Variants in TRIM23 observed in about 807,000 individuals in gnomAD.
TRIM23 encodes tripartite motif containing 23, also known as E3 ubiquitin-protein ligase TRIM23.
A neutral mutation model predicts 71.0 loss-of-function variants in TRIM23; 27 were observed. The observed-to-expected ratio is 0.38, with a 90% CI of 0.28 to 0.52. The LOEUF is 0.52. TRIM23 is among the 20% of genes least tolerant of loss of function. TRIM23 has a pLI of 0.84. For synonymous variants in TRIM23, 234 were observed against 238.0 expected (o/e 0.98, Z 0.16); for missense variants, 482 against 692.3 (o/e 0.70, Z 3.41).
In TRIM23 at chr5:65,618,097, G is replaced by T; in HGVS notation, c.240C>A (p.Asp80Glu). 2 of 1,601,836 alleles carry T rather than the reference G, an allele frequency of 1.2e-6. No homozygotes were observed. Among genetic ancestry groups the T allele is most frequent in the South Asian group, 2.2e-5 (2 of 89,282 alleles). ...IRCPFDRQVTDLGDSGVWGLK... is the reference protein window; with the variant it reads ...IRCPFDRQVTELGDSGVWGLK... The stretch of plus-strand genomic sequence containing the variant: ...CCATACAAATACTTTTCCTACCTAG[G>T]TCTGTTACTTGTCGATCAAATGGGC... The change falls in exon 2 of 11, where the codon GAC becomes GAA. Residue 80 changes from aspartate (D) to glutamate (E), a missense_variant. Around this residue, in one of 2 missense-constraint regions of TRIM23, gnomAD observed 175 missense variants for 196.5 expected, o/e 0.89. Transcript: ENST00000231524.
intron 1 of TRIM23, among the ~76,000 whole-genome samples, chr5:65,623,079 G>C (rs1241303067): frequency 6.6e-6 from 1 of 152,138 alleles, no homozygotes; most frequent in African/African-American, 2.4e-5. Context: ...AAGGTCATCT[G>C]AATCAACAAC....
rs985535002 is a variant in TRIM23 at position 65,591,317 on chromosome 5, T to C, written c.*452A>G. The C allele has an allele frequency of 5.6e-5, 80 of 1,416,006 alleles. No homozygotes were observed. The highest frequency in any genetic ancestry group is 7.3e-5 in the Non-Finnish European group (79 of 1,085,684). The allele number at this position is 1,416,006 out of a possible 1,614,324, so 87.7% of individuals were successfully genotyped here. A position where few individuals can be genotyped will look rare whatever the true frequency, so the allele number is the denominator to read the frequency against. On this transcript the variant is annotated 3_prime_UTR_variant, in exon 11 of 11. Transcript: ENST00000231524. ...ATTAAGCAACTGTCATTTCTACTAC[T>C]AAATGCTGCCAACATTCAGTGAAAA...
At chr5:65,605,446 T>C (rs1244371290) in intron 6 of TRIM23, among the ~76,000 whole-genome samples, 1 of 152,184 alleles carries the variant, frequency 6.6e-6, no homozygotes, top group Non-Finnish European at 1.5e-5. Context: ...GAAAGGCAGG[T>C]AGTGGCCAGA....
At position 65,605,747 on chromosome 5, in the gene TRIM23, G is replaced by A. The variant is rs550260073; in HGVS notation, c.1045-702C>T. On this transcript the variant is annotated intron_variant, in intron 6 of 10. Coordinates refer to ENST00000231524, the MANE Select transcript of TRIM23 (RefSeq NM_001656.4). The stretch of plus-strand genomic sequence containing the variant: ...ATACCAACATAGTCTTTATATGAAA[G>A]AGATCTCCCAATAATATGCAAGCTC... Among the ~76,000 whole-genome samples the A allele has an allele frequency of 1.8e-4, 27 of 152,156 alleles. 1 individual carries two copies. In the South Asian group the frequency reaches 5.4e-3, roughly 30 times the overall value.
chr5:65,611,931 A>G (rs2150636350), intron 3 of TRIM23, 50 bp from the exon 4 acceptor site: 1 of 1,531,546 alleles, frequency 6.5e-7, no homozygotes, highest in African/African-American at 1.4e-5. Flanking sequence ...TCAGTATAAC[A>G]TGACGAATTT....
At position 65,611,046 on chromosome 5, in the gene TRIM23, A is replaced by G. The variant is rs959470297; in HGVS notation, c.646-3T>C. The G allele has an allele frequency of 1.2e-6, 2 of 1,604,416 alleles. No homozygotes were observed. The highest frequency in any genetic ancestry group is 2.7e-5 in the African/African-American group (2 of 74,464). On this transcript the variant is annotated splice_polypyrimidine_tract_variant and splice_region_variant and intron_variant, in intron 4 of 10. Coordinates refer to ENST00000231524, the MANE Select transcript of TRIM23 (RefSeq NM_001656.4). ...GCTTCTGGTTCCAATACTGAATGCT[A>G]TAAAATGTACCATAATTAGAGAAAA...
At chr5:65,596,332 C>T (rs1203605271) in intron 9 of TRIM23, 89 bp downstream of exon 9, 22 of 896,512 alleles carry the variant, frequency 2.5e-5, no homozygotes, top group Non-Finnish European at 3.8e-5. Flanking sequence ...ACGACTTAAT[C>T]ATAAGTATCA....
intron 2 of TRIM23, 45 bp downstream of exon 2, chr5:65,618,048 C>T (rs754279074): frequency 1.3e-6 from 2 of 1,516,606 alleles, no homozygotes; most frequent in Admixed American, 2.1e-5. Context: ...ATTTGCATTA[C>T]ATGAACAATT....
intron 7 of TRIM23, among the ~76,000 whole-genome samples, chr5:65,602,223 C>CTTTG (rs1754381598): frequency 6.6e-6 from 1 of 152,304 alleles, no homozygotes; most frequent in Admixed American, 6.5e-5. Context: ...CTCTTGAATG[C>CTTTG]TTTGCTGCTT....
At chr5:65,592,710 A>T in intron 10 of TRIM23, among the ~76,000 whole-genome samples, 1 of 152,146 alleles carries the variant, frequency 6.6e-6, no homozygotes, top group Non-Finnish European at 1.5e-5. Flanking sequence ...TTCCATGCAC[A>T]CTCATGCAAA....
intron 7 of TRIM23, among the ~76,000 whole-genome samples, chr5:65,597,998 C>T (rs1754253576): frequency 6.6e-6 from 1 of 152,084 alleles, no homozygotes; most frequent in South Asian, 2.1e-4. Context: ...TTTGCTTACT[C>T]CTTTGAGCAC....
intron 2 of TRIM23, 116 bp from the exon 3 acceptor site, chr5:65,614,335 A>G: frequency 9.8e-7 from 1 of 1,023,754 alleles, no homozygotes; most frequent in Non-Finnish European, 1.4e-6. Flanking sequence ...AAATTTTTAA[A>G]ATTCAAATTT....
chr5:65,598,459 A>G (rs764099007), intron 7 of TRIM23, among the ~76,000 whole-genome samples: 55 of 152,280 alleles, frequency 3.6e-4, no homozygotes, highest in Non-Finnish European at 5.7e-4. Context: ...ATTCAACAAC[A>G]CATTAGGCCG....
At chr5:65,601,684 C>G (rs375966975) in intron 7 of TRIM23, among the ~76,000 whole-genome samples, 1 of 152,162 alleles carries the variant, frequency 6.6e-6, no homozygotes, top group Non-Finnish European at 1.5e-5. Flanking sequence ...CCTGCCCTTA[C>G]AGCAAACTTC....
intron 7 of TRIM23, among the ~76,000 whole-genome samples, chr5:65,598,719 G>T (rs913371728): frequency 7.4e-5 from 11 of 149,594 alleles, no homozygotes; most frequent in African/African-American, 2.7e-4. Context: ...TTGCACTCCA[G>T]CCTGGGCAAC....
intron 7 of TRIM23, among the ~76,000 whole-genome samples, chr5:65,603,153 A>AG (rs1353636379): frequency 1.3e-5 from 2 of 152,126 alleles, no homozygotes; most frequent in Admixed American, 6.5e-5. Flanking sequence ...GACCGATGAG[A>AG]GGGGGCAGAG....
intron 10 of TRIM23, among the ~76,000 whole-genome samples, chr5:65,592,519 G>A (rs562173139): frequency 5.5e-4 from 83 of 151,938 alleles, no homozygotes; most frequent in African/African-American, 2.0e-3. Flanking sequence ...GAGCCACCAC[G>A]CCTGGCCTGC....
chr5:65,617,963 A>C, intron 2 of TRIM23, 130 bp downstream of exon 2: 3 of 985,404 alleles, frequency 3.0e-6, no homozygotes, highest in Non-Finnish European at 4.3e-6. Flanking sequence ...CCTTAATAGA[A>C]ACTTAGGCTT....
In TRIM23 at chr5:65,591,780, C is replaced by T; in HGVS notation, c.1714G>A (p.Asp572Asn). 6.2e-7 allele frequency: 1 copy of T among 1,609,184 alleles called. No individual in the cohort carries two copies. The highest frequency in any genetic ancestry group is 8.5e-7 in the Non-Finnish European group (1 of 1,177,054). The part of the protein sequence containing the change: ...SRQLVAAGVL[D>N]VA ...TGCTGCCTTTAAAATCAAGCAACATCCAATACTCCAGCAGCTACAAGTTGC... is the reference window on the plus strand; with the variant it reads ...TGCTGCCTTTAAAATCAAGCAACATTCAATACTCCAGCAGCTACAAGTTGC... Residue 572 changes from aspartate (D) to asparagine (N), a missense_variant, in exon 11 of 11, where the codon GAT becomes AAT. Coordinates refer to ENST00000231524, the MANE Select transcript of TRIM23 (RefSeq NM_001656.4).
Sources: gnomAD v4.1 joint callset for allele counts (sites outside exome capture counted in the v4.1 genomes callset) on GRCh38, gnomAD v4.1.1 for gene constraint, gnomAD v4.1.1 regional missense constraint, MANE v1.5 for transcripts, NCBI Gene and HGNC (gene_info 2026-07-23, HGNC 2026-07-21) for gene names.